BTN3A1: variants seen among roughly 807,000 people sequenced by gnomAD.
BTN3A1 encodes the protein butyrophilin subfamily 3 member A1.
Under a neutral mutation model 43.0 loss-of-function variants are expected in BTN3A1, and 24 were observed. The observed-to-expected ratio is 0.56, with a 90% confidence interval of 0.40 to 0.78. The LOEUF (loss-of-function observed/expected upper bound fraction) is 0.78, where lower values mean the gene tolerates loss of function less well. Ranked by LOEUF, BTN3A1 falls within the 30% of genes least tolerant of loss-of-function variation. The probability of loss-of-function intolerance (pLI) is 0.00; values close to 1 mark genes in which losing one functional copy is unlikely to be tolerated. For synonymous variants in BTN3A1, 181 were observed against 234.7 expected (o/e 0.77, Z 2.09); for missense variants, 533 against 626.2 (o/e 0.85, Z 1.59).
chr6:26,410,290 T>G (rs1762165600), intron 7 of BTN3A1, among the ~76,000 whole-genome samples: 2 of 152,084 alleles, frequency 1.3e-5, no homozygotes, highest in Admixed American at 6.5e-5. Context: ...CTCTTTCTCT[T>G]TCTCAGCTGG....
At chr6:26,412,873 A>C in intron 9 of BTN3A1, 1 of 1,504,376 alleles carries the variant, frequency 6.6e-7, no homozygotes, top group Non-Finnish European at 8.9e-7. Flanking sequence ...GGGGAGGGAA[A>C]CAAGAAAAAC....
chr6:26,404,349 A>G (rs1319396075), intron 1 of BTN3A1: 3 of 152,250 alleles, frequency 2.0e-5, no homozygotes, highest in Non-Finnish European at 2.9e-5. Context: ...AGTAAAGGGA[A>G]CAAAAGGCCA....
chr6:26,412,754 T>A, intron 9 of BTN3A1: 1 of 1,551,388 alleles, frequency 6.4e-7, no homozygotes, highest in Admixed American at 2.0e-5. Context: ...AAATTGGATG[T>A]ATGGAAAAAT....
chr6:26,411,158 G>A, intron 8 of BTN3A1, 23 bp downstream of exon 8: 1 of 1,607,394 alleles, frequency 6.2e-7, no homozygotes. Context: ...GATGCTCTCT[G>A]AGTTTGCTGG....
Position 26,413,844 on chromosome 6 carries a change from C to T in BTN3A1, c.*152C>T. On this transcript the variant is annotated 3_prime_UTR_variant, in exon 10 of 10. Transcript: ENST00000289361. ...TGCCCAGCTCAGAGCTGAGGGCCTC[C>T]CCCTCCACAGCAACCAATCACAACC... 3 of 1,449,592 alleles carry T rather than the reference C, an allele frequency of 2.1e-6. No individual in the cohort carries two copies. The highest frequency in any genetic ancestry group is 2.8e-6 in the Non-Finnish European group (3 of 1,056,640). 89.8% of individuals were successfully genotyped at this position (1,449,592 alleles called of 1,614,324 possible). A position where few individuals can be genotyped will look rare whatever the true frequency, so the allele number is the denominator to read the frequency against.
chr6:26,411,478 T>C (rs1762215939), intron 8 of BTN3A1, 77 bp from the exon 9 acceptor site: 3 of 1,503,832 alleles, frequency 2.0e-6, no homozygotes, highest in Non-Finnish European at 2.8e-6. Context: ...AGAGAAAACA[T>C]GTAGTGAGGG....
Position 26,407,855 on chromosome 6 carries a change from A to T in BTN3A1, c.618A>T (p.Ala206=), listed in dbSNP as rs542657364. Residue 206 remains alanine, a synonymous_variant, in exon 4 of 10, where the codon GCA becomes GCT. Coordinates refer to ENST00000289361, the MANE Select transcript of BTN3A1 (RefSeq NM_007048.6). ...ADGVGLYAVA[A]SVIMRGSSGE... The stretch of plus-strand genomic sequence containing the variant: ...GAGTGGGCCTGTATGCAGTAGCAGC[A>T]TCTGTGATCATGAGAGGCAGCTCTG... The T allele has an allele frequency of 1.2e-6, 2 of 1,614,232 alleles. No homozygotes were observed. The highest frequency in any genetic ancestry group is 3.3e-5 in the Admixed American group (2 of 60,024).
rs755659007 is a variant in BTN3A1, at chr6:26,409,588, T to G, written c.771T>G (p.Pro257=). The G allele has an allele frequency of 6.2e-7, 1 of 1,613,588 alleles. No individual in the cohort carries two copies. The stretch of plus-strand genomic sequence containing the variant: ...TCGCCGCCCTGGCAGGGACCCTGCC[T>G]GTCTTGCTGCTGCTTCTTGGGGGAG... The part of the protein sequence containing the change: ...RWIAALAGTL[P]VLLLLLGGAG... The change falls in exon 5 of 10, where the codon CCT becomes CCG. Residue 257 remains proline (P), a synonymous_variant. Transcript: ENST00000289361.
chr6:26,412,671 G>A (rs994520756), intron 9 of BTN3A1: 6 of 1,551,170 alleles, frequency 3.9e-6, no homozygotes, highest in African/African-American at 1.4e-5. Flanking sequence ...CTTCTACAGC[G>A]CTAGAGATTC....
At chr6:26,413,130 A>C in intron 9 of BTN3A1, 39 bp from the exon 10 acceptor site, 1 of 1,569,582 alleles carries the variant, frequency 6.4e-7, no homozygotes, top group Non-Finnish European at 8.6e-7. Context: ...TCCAGGAAAA[A>C]TGGTTGACCT....
intron 3 of BTN3A1, among the ~76,000 whole-genome samples, chr6:26,406,559 G>A (rs1581624688): frequency 6.6e-6 from 1 of 152,346 alleles, no homozygotes; most frequent in South Asian, 2.1e-4. Flanking sequence ...CTAGTACACA[G>A]TCATTCGTGT....
rs1762138320 is a variant in BTN3A1 at position 26,409,631 on chromosome 6, C to A, written c.814C>A (p.Gln272Lys). 6.8e-6 allele frequency: 11 copies of A among 1,606,946 alleles called. No homozygotes were observed. Among genetic ancestry groups the A allele is most frequent in the Non-Finnish European group, 9.3e-6 (11 of 1,178,136 alleles). ...TGGGGGAGCCGGTTACTTCCTGTGG[C>A]AACAGCAGGAGGAAAAAAAGACTCA... ...LLGGAGYFLW[Q>K]QQEEKKTQFR... The change falls in exon 5 of 10, where the codon CAA becomes AAA. Residue 272 changes from glutamine to lysine, a missense_variant. By Grantham distance (53) the Gln-to-Lys change is moderately conservative (BLOSUM62 1). Coordinates refer to ENST00000289361, the MANE Select transcript of BTN3A1 (RefSeq NM_007048.6).
chr6:26,405,286 T>C (rs1164561645), intron 1 of BTN3A1, 86 bp from the exon 2 acceptor site: 4 of 496,660 alleles, frequency 8.1e-6, no homozygotes, highest in South Asian at 5.3e-5. Context: ...GGGGAAGTCA[T>C]AGGATTCTGA....
intron 5 of BTN3A1, 27 bp downstream of exon 5, chr6:26,409,760 G>T (rs948505040): frequency 6.3e-7 from 1 of 1,578,902 alleles, no homozygotes; most frequent in Admixed American, 1.8e-5. Flanking sequence ...GTTTATCTGA[G>T]CCCCTGGCTT....
Position 26,411,575 on chromosome 6 carries a change from A to G in BTN3A1, c.1012A>G (p.Lys338Glu), listed in dbSNP as rs1191578944. The G allele has an allele frequency of 3.7e-6, 6 of 1,613,442 alleles. No individual in the cohort carries two copies. Among genetic ancestry groups the G allele is most frequent in the Middle Eastern group, 1.6e-4 (1 of 6,074 alleles). The stretch of plus-strand genomic sequence containing the variant: ...TTCAGAATGGAAAAAGGCCCTCTTC[A>G]AGCCTGGTGAGTAAATCACTGTGTG... Reference protein sequence around the residue: ...AYNEWKKALFKPADVILDPKT... With the variant: ...AYNEWKKALFEPADVILDPKT... Residue 338 changes from lysine (K) to glutamate (E), a missense_variant, in exon 9 of 10, where the codon AAG becomes GAG. Coordinates refer to ENST00000289361, the MANE Select transcript of BTN3A1 (RefSeq NM_007048.6).
intron 1 of BTN3A1, among the ~76,000 whole-genome samples, 190 bp from the exon 2 acceptor site, chr6:26,405,182 C>T (rs1160032812): frequency 2.0e-5 from 3 of 152,146 alleles, no homozygotes; most frequent in South Asian, 2.1e-4. Flanking sequence ...ACACCCACAG[C>T]GGTCGACCCC....
chr6:26,411,595 T>C lies in BTN3A1; in HGVS notation c.1018+14T>C, dbSNP rs1561848491. The C allele has an allele frequency of 6.2e-7, 1 of 1,612,774 alleles. No individual in the cohort carries two copies. The highest frequency in any genetic ancestry group is 8.5e-7 in the Non-Finnish European group (1 of 1,179,220). ...TCTTCAAGCCTGGTGAGTAAATCAC[T>C]GTGTGTTCCCTGGACCAACAACCTG... On this transcript the variant is annotated intron_variant, in intron 9 of 9. Transcript: ENST00000289361.
At position 26,407,935 on chromosome 6, in the gene BTN3A1, C is replaced by A; in HGVS notation, c.698C>A (p.Ala233Asp). ...RSSLLGLEKT[A>D]SISIADPFFR... Reference sequence around the variant, plus strand: ...TCCCTCCTCGGCCTGGAAAAGACAGCCAGCATTTCCATCGCAGGTCAGTAC... The same window carrying A: ...TCCCTCCTCGGCCTGGAAAAGACAGACAGCATTTCCATCGCAGGTCAGTAC... The change falls in exon 4 of 10, where the codon GCC (alanine) becomes GAC (aspartate). Residue 233 changes from alanine (A) to aspartate (D), a missense_variant. Ala to Asp is a moderately radical substitution (Grantham distance 126). This residue lies in a region of BTN3A1 where 415 missense variants were observed against 427.0 expected (regional missense o/e 0.97). Transcript: ENST00000289361. The A allele has an allele frequency of 6.2e-7, 1 of 1,614,128 alleles. No individual in the cohort carries two copies. Among genetic ancestry groups the A allele is most frequent in the Non-Finnish European group, 8.5e-7 (1 of 1,179,982 alleles).
chr6:26,411,435 G>A, intron 8 of BTN3A1, 120 bp from the exon 9 acceptor site: 1 of 1,284,718 alleles, frequency 7.8e-7, no homozygotes, highest in Non-Finnish European at 1.1e-6. Context: ...AGAAGAGGGA[G>A]GCTGGACCCT....
Sources: gnomAD v4.1 joint callset for allele counts (sites outside exome capture counted in the v4.1 genomes callset) on GRCh38, gnomAD v4.1.1 for gene constraint, gnomAD v4.1.1 regional missense constraint, MANE v1.5 for transcripts, NCBI Gene and HGNC (gene_info 2026-07-23, HGNC 2026-07-21) for gene names.